FSHR: variants seen among roughly 807,000 people sequenced by gnomAD.
FSHR encodes follicle stimulating hormone receptor, also known as follicle-stimulating hormone receptor.
A neutral mutation model predicts 52.1 loss-of-function variants in FSHR; 46 were observed. The ratio of observed to expected loss-of-function variants is 0.88; its 90% CI spans 0.70 to 1.13. FSHR has a LOEUF of 1.13. FSHR is among the 50% of genes most tolerant of loss of function. FSHR has a pLI of 0.00. For synonymous variants in FSHR, 399 were observed against 309.6 expected, an observed-to-expected ratio of 1.29 and a Z score of -3.03; for missense variants, 964 against 834.6, an observed-to-expected ratio of 1.16 and a Z score of -1.91.
intron 2 of FSHR, among the ~76,000 whole-genome samples, chr2:49,049,851 A>ATATATATAT (rs1668791622): frequency 2.1e-5 from 3 of 143,710 alleles, no homozygotes; most frequent in African/African-American, 7.7e-5. Flanking sequence ...ATATATATAT[A>ATATATATAT]ATAAAAACCA....
At chr2:48,982,015 G>A (rs1675271228) in intron 8 of FSHR, among the ~76,000 whole-genome samples, 1 of 152,240 alleles carries the variant, frequency 6.6e-6, no homozygotes, top group South Asian at 2.1e-4. Flanking sequence ...CTCCTTTTGG[G>A]TTCCTTTCTT....
At chr2:49,058,388 A>G (rs1379110387) in intron 2 of FSHR, among the ~76,000 whole-genome samples, 1 of 151,962 alleles carries the variant, frequency 6.6e-6, no homozygotes, top group Non-Finnish European at 1.5e-5. Context: ...CTCTACTAAA[A>G]TACAAAAAAT....
intron 1 of FSHR, among the ~76,000 whole-genome samples, chr2:49,151,166 A>G (rs1673048699): frequency 6.8e-6 from 1 of 147,782 alleles, no homozygotes; most frequent in African/African-American, 2.5e-5. Flanking sequence ...TTTTCAGAAT[A>G]AGAAAGGTAT....
intron 1 of FSHR, among the ~76,000 whole-genome samples, chr2:49,080,395 C>T (rs1042465100): frequency 1.2e-4 from 19 of 152,122 alleles, no homozygotes; most frequent in African/African-American, 3.1e-4. Context: ...ACATTAATTA[C>T]GGAAGCATCA....
intron 1 of FSHR, among the ~76,000 whole-genome samples, chr2:49,073,430 A>T (rs549084413): frequency 3.8e-4 from 58 of 152,160 alleles, no homozygotes; most frequent in Middle Eastern, 3.4e-3. Flanking sequence ...CTGAAAGAGA[A>T]TTCAAGAAGG....
intron 2 of FSHR, among the ~76,000 whole-genome samples, chr2:49,047,602 A>T (rs1435454689): frequency 6.6e-6 from 1 of 152,242 alleles, no homozygotes; most frequent in Non-Finnish European, 1.5e-5. Context: ...AAATCCCACC[A>T]TTAGCAATTC....
chr2:49,139,466 C>G (rs1672599683), intron 1 of FSHR, among the ~76,000 whole-genome samples: 1 of 152,104 alleles, frequency 6.6e-6, no homozygotes, highest in Non-Finnish European at 1.5e-5. Flanking sequence ...ATTTTCCAAA[C>G]CAAGCTGACC....
intron 9 of FSHR, among the ~76,000 whole-genome samples, chr2:48,965,223 C>T (rs2103997620): frequency 6.6e-6 from 1 of 152,166 alleles, no homozygotes; most frequent in Non-Finnish European, 1.5e-5. Flanking sequence ...CCAGGTGTTC[C>T]AACCTATTAT....
Position 49,134,137 on chromosome 2 carries a change from C to T in FSHR, c.152+20129G>A, listed in dbSNP as rs138847782. The stretch of plus-strand genomic sequence containing the variant: ...ACCATCAGAGTGAACAGGCAACCTA[C>T]AGAATGGGAGAAAATTTTTACAATC... On this transcript the variant is annotated intron_variant, in intron 1 of 9. Coordinates refer to ENST00000406846, the MANE Select transcript of FSHR (RefSeq NM_000145.4). Among the ~76,000 whole-genome samples the T allele has an allele frequency of 1.4e-3, 210 of 152,256 alleles. 3 individuals carry two copies. In the East Asian group the frequency reaches 0.034, roughly 25 times the overall value.
intron 4 of FSHR, among the ~76,000 whole-genome samples, chr2:49,003,167 G>T (rs1040077972): frequency 7.2e-5 from 11 of 152,098 alleles, no homozygotes; most frequent in African/African-American, 2.7e-4. Flanking sequence ...ATTCTTTTGT[G>T]GAGCATTTTT....
intron 6 of FSHR, among the ~76,000 whole-genome samples, chr2:48,985,815 G>A (rs1410957147): frequency 7.7e-6 from 1 of 129,676 alleles, no homozygotes; most frequent in African/African-American, 2.8e-5. Context: ...CCGGGTTCAC[G>A]CCATTCTCCT....
chr2:49,006,987 T>C (rs1667095735), intron 4 of FSHR, among the ~76,000 whole-genome samples: 1 of 152,144 alleles, frequency 6.6e-6, no homozygotes, highest in Non-Finnish European at 1.5e-5. Context: ...GAGAGACTAA[T>C]AGCTACAACA....
chr2:49,066,416 G>A (rs1669503325), intron 2 of FSHR, among the ~76,000 whole-genome samples: 1 of 152,054 alleles, frequency 6.6e-6, no homozygotes, highest in Admixed American at 6.6e-5. Context: ...GACCAAGAGT[G>A]TAAGGTAAGA....
At chr2:49,064,005 A>G (rs1669412051) in intron 2 of FSHR, among the ~76,000 whole-genome samples, 1 of 152,056 alleles carries the variant, frequency 6.6e-6, no homozygotes, top group South Asian at 2.1e-4. Context: ...ATTAAAAAAT[A>G]ATAAAAAAGA....
chr2:49,116,087 T>C (rs1305645277), intron 1 of FSHR, among the ~76,000 whole-genome samples: 1 of 152,140 alleles, frequency 6.6e-6, no homozygotes, highest in Non-Finnish European at 1.5e-5. Context: ...CTTGGCATTT[T>C]TTTTAGTAAT....
intron 1 of FSHR, among the ~76,000 whole-genome samples, chr2:49,118,162 T>A (rs1331170271): frequency 6.6e-6 from 1 of 151,866 alleles, no homozygotes; most frequent in African/African-American, 2.4e-5. Flanking sequence ...TCCAAGGTGG[T>A]GGACTTGTGC....
intron 1 of FSHR, among the ~76,000 whole-genome samples, chr2:49,086,553 A>T (rs1410284058): frequency 6.6e-6 from 1 of 152,074 alleles, no homozygotes; most frequent in Non-Finnish European, 1.5e-5. Flanking sequence ...TTTTATAATC[A>T]CCTGCGGAAG....
chr2:49,122,424 G>A (rs989233806), intron 1 of FSHR, among the ~76,000 whole-genome samples: 1 of 152,136 alleles, frequency 6.6e-6, no homozygotes, highest in Non-Finnish European at 1.5e-5. Context: ...ACTACAGTCG[G>A]GGTCTTCTTA....
intron 8 of FSHR, 91 bp from the exon 9 acceptor site, chr2:48,968,974 G>T: frequency 8.8e-7 from 1 of 1,142,540 alleles, no homozygotes; most frequent in Non-Finnish European, 1.3e-6. Flanking sequence ...ACACACTAGT[G>T]ATATTCTTAC....
Sources: gnomAD v4.1 joint callset for allele counts (sites outside exome capture counted in the v4.1 genomes callset) on GRCh38, gnomAD v4.1.1 for gene constraint, MANE v1.5 for transcripts, NCBI Gene and HGNC (gene_info 2026-07-23, HGNC 2026-07-21) for gene names.